The following TTC27 variants were observed in gnomAD, a reference collection of about 807,000 sequenced individuals.
The protein encoded by TTC27 is tetratricopeptide repeat domain 27.
TTC27 carries 79 observed loss-of-function variants against 115.9 expected under a neutral mutation model. That is an observed-to-expected ratio of 0.68 (90% CI 0.57 to 0.82). The LOEUF is 0.82. TTC27 is among the 40% of genes least tolerant of loss of function. The pLI is 0.00. For missense variants in TTC27, 1,054 were observed against 993.1 expected (o/e 1.06, Z -0.82); for synonymous variants, 401 against 356.0 (o/e 1.13, Z -1.42).
intron 14 of TTC27, among the ~76,000 whole-genome samples, chr2:32,782,119 C>T (rs917081037): frequency 3.9e-5 from 6 of 152,070 alleles, no homozygotes; most frequent in African/African-American, 1.4e-4. Flanking sequence ...TTTAAAAAAA[C>T]ATTCATTTTT....
chr2:32,702,900 C>A lies in TTC27; in HGVS notation c.1213C>A (p.Arg405=). ...LEKGSTRRVE[R]AMRQTQALAD... Reference sequence around the variant, plus strand: ...GAAAGGAAGTACTCGCCGAGTGGAACGGGCAATGAGGCAGACACAGGTAAG... The same window carrying A: ...GAAAGGAAGTACTCGCCGAGTGGAAAGGGCAATGAGGCAGACACAGGTAAG... The change falls in exon 10 of 20, where the codon CGG becomes AGG. Residue 405 remains arginine (R), a synonymous_variant. Coordinates refer to ENST00000317907, the MANE Select transcript of TTC27 (RefSeq NM_017735.5). The A allele has an allele frequency of 6.2e-7, 1 of 1,613,784 alleles. No individual in the cohort carries two copies. Among genetic ancestry groups the A allele is most frequent in the Non-Finnish European group, 8.5e-7 (1 of 1,179,778 alleles).
intron 13 of TTC27, 46 bp from the exon 14 acceptor site, chr2:32,777,836 A>T (rs750897402): frequency 6.4e-7 from 1 of 1,571,144 alleles, no homozygotes; most frequent in East Asian, 2.2e-5. Flanking sequence ...TACATTCTGT[A>T]AATGTTTCTG....
chr2:32,744,505 T>C (rs1668751093), intron 12 of TTC27, among the ~76,000 whole-genome samples: 1 of 152,210 alleles, frequency 6.6e-6, no homozygotes, highest in South Asian at 2.1e-4. Flanking sequence ...AAAATATTAA[T>C]GTTCCTAGAA....
intron 16 of TTC27, among the ~76,000 whole-genome samples, chr2:32,792,410 C>T (rs985967996): frequency 3.3e-5 from 5 of 152,096 alleles, no homozygotes; most frequent in Non-Finnish European, 5.9e-5. Context: ...TTATAGCTAG[C>T]GAGCAGTAAA....
intron 5 of TTC27, among the ~76,000 whole-genome samples, chr2:32,661,800 C>G (rs1051597431): frequency 1.3e-5 from 2 of 152,154 alleles, no homozygotes; most frequent in Non-Finnish European, 2.9e-5. Flanking sequence ...ACTTCCAACA[C>G]TATGTTGAAT....
At chr2:32,683,655 C>G (rs1666521550) in intron 9 of TTC27, among the ~76,000 whole-genome samples, 1 of 152,154 alleles carries the variant, frequency 6.6e-6, no homozygotes, top group Non-Finnish European at 1.5e-5. Flanking sequence ...TGCAGGAAAG[C>G]TGAGTCAGAG....
Position 32,704,176 on chromosome 2 carries a change from G to C in TTC27, c.1233+1256G>C, listed in dbSNP as rs118169210. 1.4e-4 allele frequency among the ~76,000 whole-genome samples: 22 copies of C among 152,134 alleles called. No individual in the cohort carries two copies. In the East Asian group the frequency reaches 4.2e-3, roughly 29 times the overall value. On this transcript the variant is annotated intron_variant, in intron 10 of 19. Coordinates refer to ENST00000317907, the MANE Select transcript of TTC27 (RefSeq NM_017735.5). ...ACACATTCGGACTATAGTAATTAAT[G>C]AAAGTGATTTTTTTTTTTACTTTTT...
rs1226446235 is a variant in TTC27, at chr2:32,672,258, T to C, written c.940-14T>C. The C allele has an allele frequency of 4.4e-6, 7 of 1,596,798 alleles. No homozygotes were observed. In the South Asian group the frequency reaches 7.8e-5, roughly 18 times the overall value. On this transcript the variant is annotated splice_polypyrimidine_tract_variant and intron_variant, in intron 7 of 19. Coordinates refer to ENST00000317907, the MANE Select transcript of TTC27 (RefSeq NM_017735.5). The stretch of plus-strand genomic sequence containing the variant: ...TAATTTTTGGTCTAAGTATTTTCTT[T>C]TGTATTCTACTAGAATCTTGAGCTC...
chr2:32,787,091 A>C lies in TTC27; in HGVS notation c.1940A>C (p.Glu647Ala), dbSNP rs1285001323. 1.2e-6 allele frequency: 2 copies of C among 1,614,066 alleles called. No individual in the cohort carries two copies. The stretch of plus-strand genomic sequence containing the variant: ...AGCACTGACGTTGGGGAATTTTCAG[A>C]AGCCATTAAAGCTTATCACCGGCTC... ...LTSTDVGEFS[E>A]AIKAYHRLLD... Residue 647 changes from glutamate (E) to alanine (A), a missense_variant, in exon 16 of 20, where the codon GAA (glutamate) becomes GCA (alanine). Physicochemically the swap from Glu to Ala is moderately radical, Grantham distance 107 (BLOSUM62 -1). Coordinates refer to ENST00000317907, the MANE Select transcript of TTC27 (RefSeq NM_017735.5).
At chr2:32,781,173 C>T (rs188589342) in intron 14 of TTC27, among the ~76,000 whole-genome samples, 134 of 152,298 alleles carry the variant, frequency 8.8e-4, no homozygotes, top group African/African-American at 3.1e-3. Flanking sequence ...TTTCAGGTTA[C>T]GACAAGCAGT....
intron 16 of TTC27, among the ~76,000 whole-genome samples, chr2:32,810,211 G>T (rs1464868031): frequency 1.3e-5 from 2 of 152,204 alleles, no homozygotes; most frequent in East Asian, 3.9e-4. Context: ...TGCATTAACG[G>T]TTCATCATTT....
chr2:32,651,086 A>G (rs1665106309), intron 5 of TTC27, among the ~76,000 whole-genome samples: 1 of 152,202 alleles, frequency 6.6e-6, no homozygotes, highest in Non-Finnish European at 1.5e-5. Context: ...GGACTTGACC[A>G]TGAGTTTTTG....
intron 9 of TTC27, among the ~76,000 whole-genome samples, chr2:32,694,533 A>G (rs1238969404): frequency 1.3e-5 from 2 of 152,170 alleles, no homozygotes; most frequent in Non-Finnish European, 2.9e-5. Flanking sequence ...TGTAAGATCC[A>G]TCTCTATTAA....
intron 1 of TTC27, among the ~76,000 whole-genome samples, chr2:32,629,148 T>G (rs1022974352): frequency 6.8e-5 from 10 of 147,390 alleles, no homozygotes; most frequent in African/African-American, 2.5e-4. Context: ...GGGGATGGAG[T>G]CTCCCTCTTG....
intron 19 of TTC27, among the ~76,000 whole-genome samples, chr2:32,817,913 T>A (rs2148053701): frequency 6.6e-6 from 1 of 152,064 alleles, no homozygotes; most frequent in East Asian, 1.9e-4. Flanking sequence ...AGAAATTAGC[T>A]GGGCATGGTT....
At chr2:32,732,854 T>C (rs549304282) in intron 10 of TTC27, among the ~76,000 whole-genome samples, 1 of 152,296 alleles carries the variant, frequency 6.6e-6, no homozygotes, top group Non-Finnish European at 1.5e-5. Context: ...CTGTGAAAAC[T>C]AGTCAACTGG....
At chr2:32,796,278 A>T (rs958538198) in intron 16 of TTC27, among the ~76,000 whole-genome samples, 1 of 152,280 alleles carries the variant, frequency 6.6e-6, no homozygotes, top group South Asian at 2.1e-4. Flanking sequence ...AAACTAGAAA[A>T]CATGATGAAA....
chr2:32,655,064 A>G (rs532042558), intron 5 of TTC27, among the ~76,000 whole-genome samples: 2 of 148,048 alleles, frequency 1.4e-5, no homozygotes, highest in African/African-American at 2.5e-5. Flanking sequence ...CCTCGGCTCA[A>G]CTCAACCTCT....
chr2:32,793,675 A>AC (rs1000817351), intron 16 of TTC27, among the ~76,000 whole-genome samples: 4 of 152,004 alleles, frequency 2.6e-5, no homozygotes, highest in African/African-American at 9.7e-5. Flanking sequence ...GGTGCCTGCC[A>AC]CCACGCCCGG....
Sources: allele counts gnomAD v4.1 joint callset (sites outside exome capture counted in the v4.1 genomes callset), GRCh38; gene constraint gnomAD v4.1.1; transcripts MANE v1.5; gene names NCBI Gene and HGNC (gene_info 2026-07-23, HGNC 2026-07-21).